The following TGIF1 variants were observed in gnomAD, a reference collection of about 807,000 sequenced individuals.
The protein encoded by TGIF1 is TGFB induced factor homeobox 1, also known as homeobox protein TGIF1.
TGIF1 carries 4 observed loss-of-function variants against 19.3 expected under a neutral mutation model. The ratio of observed to expected loss-of-function variants is 0.21; its 90% confidence interval spans 0.10 to 0.47. The LOEUF is 0.47. TGIF1 is among the 20% of genes least tolerant of loss of function. TGIF1 has a pLI of 0.98. For synonymous variants in TGIF1, 122 were observed against 129.3 expected (o/e 0.94, Z 0.38); for missense variants, 275 against 341.4 (o/e 0.81, Z 1.53).
In TGIF1 at chr18:3,422,673, C is replaced by CTTTTTTGTTTTTTT. The variant is rs1481496826; in HGVS notation, c.-45+4464_-45+4465insGTTTTTTTTTTTTT. On this transcript the variant is annotated intron_variant, in intron 2 of 3. Transcript: ENST00000401449. ...ATGTTAAGTGCCCTATATAGGTGGCCTTTTTTTTTTTTTTTTTTTTTTTTT... is the reference window on the plus strand; with the variant it reads ...ATGTTAAGTGCCCTATATAGGTGGCCTTTTTTGTTTTTTTTTTTTTTTTTTTTTTTTTTTTTTTT... Among the ~76,000 whole-genome samples, 15 of 24,658 alleles carry CTTTTTTGTTTTTTT rather than the reference C, an allele frequency of 6.1e-4. 3 individuals are homozygous for CTTTTTTGTTTTTTT. The highest frequency in any genetic ancestry group is 2.3e-3 in the East Asian group (2 of 854). The allele number at this position is 24,658 out of a possible 152,430, so 16.2% of individuals were successfully genotyped here.
chr18:3,457,980 T>C lies in TGIF1; in HGVS notation c.*40T>C, dbSNP rs781153445. 17 of 1,572,764 alleles carry C rather than the reference T, an allele frequency of 1.1e-5. No individual in the cohort carries two copies. The highest frequency in any genetic ancestry group is 1.5e-5 in the Non-Finnish European group (17 of 1,155,432). On this transcript the variant is annotated 3_prime_UTR_variant, in exon 3 of 3. Transcript: ENST00000343820. The surrounding 1 kb of genome is among the most constrained non-coding windows in gnomAD (Gnocchi z 4.9). ...AAACAGTTCTCAGAAATGTCATGAT[T>C]GCCGGGGTGAAGGCAAGAGATGAAT...
rs576438906 is a variant in TGIF1 at position 3,444,746 on chromosome 18, A to T, written c.-44-11608A>T. On this transcript the variant is annotated intron_variant, in intron 2 of 3. Coordinates refer to the TGIF1 transcript ENST00000401449. ...TATTTAATAATGAAAATTTTTTAAA[A>T]ATAAAAAAACAAAACAAATTTAAAA... Among the ~76,000 whole-genome samples, 6 of 152,330 alleles carry T rather than the reference A, an allele frequency of 3.9e-5. No individual in the cohort carries two copies. In the East Asian group the frequency reaches 9.6e-4, roughly 24 times the overall value.
intron 2 of TGIF1, among the ~76,000 whole-genome samples, chr18:3,431,042 C>T (rs1335164253): frequency 6.6e-6 from 1 of 151,922 alleles, no homozygotes; most frequent in Non-Finnish European, 1.5e-5. Context: ...TTTGTTATGC[C>T]AGAAAATAAA....
chr18:3,454,166 CAG>C (rs923445302), intron 1 of TGIF1, among the ~76,000 whole-genome samples: 10 of 152,270 alleles, frequency 6.6e-5, no homozygotes, highest in African/African-American at 2.4e-4. Context: ...GAACTGAGAA[CAG>C]AGTAAAGTCG....
intron 2 of TGIF1, among the ~76,000 whole-genome samples, chr18:3,430,016 C>G (rs2082526414): frequency 6.6e-6 from 1 of 152,060 alleles, no homozygotes. Context: ...ATTAGCCAGG[C>G]GTGGTGGTGG....
In TGIF1 at chr18:3,419,833, C is replaced by T. The variant is rs570665496; in HGVS notation, c.-45+1618C>T. Among the ~76,000 whole-genome samples, 50 of 152,114 alleles carry T rather than the reference C, an allele frequency of 3.3e-4. No individual in the cohort carries two copies. The South Asian group carries it at 8.7e-3, about 27-fold the overall frequency. On this transcript the variant is annotated intron_variant, in intron 2 of 3. Transcript: ENST00000401449. ...CCAGCCTGGCCAACATAGCAAAACC[C>T]CTCCTCTACTAAAAATACAAAAATT... is the stretch of plus-strand genomic sequence containing the variant.
intron 1 of TGIF1, among the ~76,000 whole-genome samples, chr18:3,417,885 G>A (rs1324115825): frequency 2.0e-5 from 3 of 152,100 alleles, no homozygotes; most frequent in Non-Finnish European, 4.4e-5. Flanking sequence ...GATCCCTTGA[G>A]CCCAGGAGTT....
chr18:3,459,345 T>G lies in TGIF1; in HGVS notation c.*1405T>G, dbSNP rs961763703. On this transcript the variant is annotated 3_prime_UTR_variant, in exon 3 of 3. Transcript: ENST00000343820. Reference sequence around the variant, plus strand: ...TGTAGAAAGAGCTAAACTCAAAGACTTTCCTTGTAAGTGAAAGAAAAAAAC... The same window carrying G: ...TGTAGAAAGAGCTAAACTCAAAGACGTTCCTTGTAAGTGAAAGAAAAAAAC... 2.0e-5 allele frequency: 3 copies of G among 152,172 alleles called. No homozygotes were observed. The highest frequency in any genetic ancestry group is 4.4e-5 in the Non-Finnish European group (3 of 68,028). 9.4% of individuals were successfully genotyped at this position (152,172 alleles called of 1,614,324 possible). A position where few individuals can be genotyped will look rare whatever the true frequency, so the allele number is the denominator to read the frequency against.
chr18:3,451,581 G>C lies in TGIF1; in HGVS notation c.16+1076G>C, dbSNP rs1031344410. ...TGCGCATGCCCGGGAGCCGCCTGGA[G>C]TTTGGAACTCCACATTCTTTCAGAC... On this transcript the variant is annotated intron_variant, in intron 1 of 2. Transcript: ENST00000343820. The surrounding 1 kb of genome is among the most constrained non-coding windows in gnomAD (Gnocchi z 5.4). 4.4e-5 allele frequency: 45 copies of C among 1,030,932 alleles called. No individual in the cohort carries two copies. The highest frequency in any genetic ancestry group is 4.9e-5 in the Non-Finnish European group (42 of 860,440). 63.9% of individuals were successfully genotyped at this position (1,030,932 alleles called of 1,614,324 possible).
chr18:3,443,244 C>T (rs1273250796), intron 2 of TGIF1, among the ~76,000 whole-genome samples: 3 of 151,982 alleles, frequency 2.0e-5, no homozygotes. Flanking sequence ...TGCTGAGTTA[C>T]ACATTGGAAA....
chr18:3,421,931 C>T (rs8094611), intron 2 of TGIF1, among the ~76,000 whole-genome samples: 3,127 of 152,018 alleles, frequency 0.021, 102 homozygotes, highest in African/African-American at 0.071. Context: ...CAGTGGCTCA[C>T]GCCTGTAATC....
At chr18:3,420,481 A>G (rs1004709430) in intron 2 of TGIF1, among the ~76,000 whole-genome samples, 3 of 152,214 alleles carry the variant, frequency 2.0e-5, no homozygotes, top group African/African-American at 7.2e-5. Context: ...ATAAACTACA[A>G]TTAAGGTACA....
At chr18:3,445,765 C>CAAAAAAAAA (rs755240649), upstream of TGIF1, among the ~76,000 whole-genome samples, 27 of 35,838 alleles carry the variant, frequency 7.5e-4, no homozygotes, top group African/African-American at 2.1e-3. Context: ...AGAAGAAAAG[C>CAAAAAAAAA]AAAAAAAAAA....
chr18:3,457,789 G>T lies in TGIF1; in HGVS notation c.668G>T (p.Gly223Val), dbSNP rs1360069946. The T allele has an allele frequency of 1.2e-6, 2 of 1,613,768 alleles. No homozygotes were observed. Among genetic ancestry groups the T allele is most frequent in the African/African-American group, 1.3e-5 (1 of 74,882 alleles). Residue 223 changes from glycine to valine, a missense_variant, in exon 3 of 3, where the codon GGA (glycine) becomes GTA (valine). Physicochemically the swap from Gly to Val is moderately radical, Grantham distance 109 (BLOSUM62 -3). Transcript: ENST00000343820. The surrounding 1 kb of genome is among the most constrained non-coding windows in gnomAD (Gnocchi z 4.9). ...LMYPEDTCKS[G>V]PSTNTQSGLF... ...TACCCAGAGGACACTTGTAAATCTG[G>T]ACCAAGTACGAATACACAGAGTGGT... is the stretch of plus-strand genomic sequence containing the variant.
At chr18:3,415,308 C>T in intron 1 of TGIF1, 1 of 300,866 alleles carries the variant, frequency 3.3e-6, no homozygotes, top group Non-Finnish European at 7.1e-6. Context: ...GTTCGGTGTC[C>T]ACACACCTGG....
At chr18:3,425,033 G>A (rs980899384) in intron 2 of TGIF1, among the ~76,000 whole-genome samples, 3 of 152,224 alleles carry the variant, frequency 2.0e-5, no homozygotes, top group Non-Finnish European at 4.4e-5. Context: ...CTGATGTATA[G>A]CCAGTTGGTC....
rs2049461625 is a variant in TGIF1, at chr18:3,459,680, A to T, written c.*1740A>T. 6.6e-6 allele frequency: 1 copy of T among 152,190 alleles called. No individual in the cohort carries two copies. The highest frequency in any genetic ancestry group is 1.5e-5 in the Non-Finnish European group (1 of 68,008). The allele number at this position is 152,190 out of a possible 1,614,324, so 9.4% of individuals were successfully genotyped here. On this transcript the variant is annotated 3_prime_UTR_variant, in exon 3 of 3. Transcript: ENST00000343820. The stretch of plus-strand genomic sequence containing the variant: ...CAAGTCCTAAAAGGTTTGCCCTGTT[A>T]CGGTGTTTCATCACTCATACTGGAA...
chr18:3,451,427 A>G lies in TGIF1; in HGVS notation c.16+922A>G, dbSNP rs1051280856. On this transcript the variant is annotated intron_variant, in intron 1 of 2. Coordinates refer to ENST00000343820, the MANE Select transcript of TGIF1 (RefSeq NM_003244.4). The surrounding 1 kb of genome is among the most constrained non-coding windows in gnomAD (Gnocchi z 5.4). ...TCCCTTTTGAAGTTAACAAAAATTG[A>G]GTCCCTGGCTGGGAGGTCCCCCGAG... is the stretch of plus-strand genomic sequence containing the variant. The G allele has an allele frequency of 8.1e-6, 8 of 985,346 alleles. No individual in the cohort carries two copies. Among genetic ancestry groups the G allele is most frequent in the Non-Finnish European group, 9.6e-6 (8 of 829,946 alleles). The allele number at this position is 985,346 out of a possible 1,614,324, so 61.0% of individuals were successfully genotyped here.
upstream of TGIF1, chr18:3,448,294 C>A (rs1028879754): frequency 5.1e-6 from 5 of 985,336 alleles, no homozygotes; most frequent in African/African-American, 5.2e-5. Context: ...GCTCCCGGCT[C>A]CCCAGCGGAT....
Sources: gnomAD v4.1 joint callset for allele counts (sites outside exome capture counted in the v4.1 genomes callset) on GRCh38, gnomAD v4.1.1 for gene constraint, Gnocchi (gnomAD v3.1) non-coding constraint, MANE v1.5 for transcripts, NCBI Gene and HGNC (gene_info 2026-07-23, HGNC 2026-07-21) for gene names.